Variants in ELAVL4 observed in about 807,000 individuals in gnomAD.
ELAVL4 encodes ELAV like RNA binding protein 4.
A neutral mutation model predicts 35.6 loss-of-function variants in ELAVL4; 1 was observed. The ratio of observed to expected loss-of-function variants is 0.03; its 90% CI spans 0.01 to 0.13. The LOEUF is 0.13. Among genes scored for constraint, ELAVL4 ranks in the 10% least tolerant of loss-of-function variants. The pLI, the probability that ELAVL4 is intolerant of heterozygous loss-of-function variation, is 1.00. For synonymous variants in ELAVL4, 156 were observed against 171.0 expected (o/e 0.91, Z 0.69); for missense variants, 267 against 464.9 (o/e 0.57, Z 3.91).
chr1:50,091,271 A>G (rs2148505241), intron 1 of ELAVL4, among the ~76,000 whole-genome samples: 1 of 152,328 alleles, frequency 6.6e-6, no homozygotes, highest in Non-Finnish European at 1.5e-5. Context: ...AGATACGCTT[A>G]CAGGAAACCG....
chr1:50,076,109 A>T (rs1005683904), intron 1 of ELAVL4, among the ~76,000 whole-genome samples: 3 of 152,124 alleles, frequency 2.0e-5, no homozygotes, highest in African/African-American at 7.2e-5. Context: ...GATTACAGGC[A>T]TGAGCCACCG....
intron 1 of ELAVL4, among the ~76,000 whole-genome samples, chr1:50,113,357 C>G (rs975271515): frequency 6.6e-6 from 1 of 151,916 alleles, no homozygotes; most frequent in Admixed American, 6.6e-5. Context: ...CATCTTAACA[C>G]CTTATTTTAA....
chr1:50,195,694 C>T lies in ELAVL4; in HGVS notation c.642C>T (p.Ser214=). ...PITVKFANNP[S]QKSSQALLSQ... ...CTGTGAAGTTTGCCAACAACCCCAG[C>T]CAGAAGTCCAGCCAGGCCCTGCTCT... The change falls in exon 5 of 7, where the codon AGC becomes AGT. Residue 214 remains serine, a synonymous_variant. Coordinates refer to ENST00000371824, the MANE Select transcript of ELAVL4 (RefSeq NM_001144774.3). 6.2e-7 allele frequency: 1 copy of T among 1,614,156 alleles called. No homozygotes were observed. The highest frequency in any genetic ancestry group is 8.5e-7 in the Non-Finnish European group (1 of 1,180,008).
intron 3 of ELAVL4, among the ~76,000 whole-genome samples, chr1:50,187,017 T>C (rs145239489): frequency 6.6e-6 from 1 of 152,312 alleles, no homozygotes; most frequent in East Asian, 1.9e-4. Flanking sequence ...TCCCTGCTCC[T>C]AGAGGTGGGA....
chr1:50,137,536 G>T (rs1310307909), intron 1 of ELAVL4, among the ~76,000 whole-genome samples: 2 of 147,620 alleles, frequency 1.4e-5, no homozygotes, highest in East Asian at 4.0e-4. Context: ...AGGAAGGAAG[G>T]CAGGAAGGAA....
chr1:50,081,480 G>C (rs1665003045), intron 1 of ELAVL4, among the ~76,000 whole-genome samples: 1 of 152,234 alleles, frequency 6.6e-6, no homozygotes, highest in East Asian at 1.9e-4. Context: ...GCTGACCTAT[G>C]TTAAAATGCT....
Position 50,053,773 on chromosome 1 carries a change from A to C in ELAVL4, c.18+5591A>C, listed in dbSNP as rs539660464. On this transcript the variant is annotated intron_variant, in intron 1 of 6. Coordinates refer to the ELAVL4 transcript ENST00000448907. ...CAAGAGAAAGTAGACATTAAAAATA[A>C]CCATAATCAAGAAGTGCGTCATAGA... Among the ~76,000 whole-genome samples, 15 of 152,376 alleles carry C rather than the reference A, an allele frequency of 9.8e-5. No individual in the cohort carries two copies. In the East Asian group the frequency reaches 2.9e-3, roughly 29 times the overall value.
chr1:50,136,460 A>T (rs185950545), intron 1 of ELAVL4, among the ~76,000 whole-genome samples: 1 of 152,190 alleles, frequency 6.6e-6, no homozygotes, highest in East Asian at 1.9e-4. Flanking sequence ...GGTTCAATTC[A>T]GTGACTGCCC....
At chr1:50,148,032 G>A (rs1674049022) in intron 2 of ELAVL4, among the ~76,000 whole-genome samples, 1 of 152,194 alleles carries the variant, frequency 6.6e-6, no homozygotes, top group South Asian at 2.1e-4. Flanking sequence ...GGAGTTAAGT[G>A]TTATGTGCTG....
intron 6 of ELAVL4, among the ~76,000 whole-genome samples, chr1:50,197,932 T>A (rs975585043): frequency 3.3e-5 from 5 of 152,238 alleles, no homozygotes; most frequent in African/African-American, 1.2e-4. Context: ...GTAGAAAAAT[T>A]AGATTTTGGA....
intron 2 of ELAVL4, among the ~76,000 whole-genome samples, chr1:50,147,173 A>G (rs780489119): frequency 2.6e-5 from 4 of 152,168 alleles, no homozygotes; most frequent in Non-Finnish European, 5.9e-5. Context: ...ATTTATAATT[A>G]TGCATTCTTC....
Position 50,144,981 on chromosome 1 carries a change from G to T in ELAVL4, c.34G>T (p.Val12Leu). The stretch of plus-strand genomic sequence containing the variant: ...GATAATTAGCACCATGGAGCCTCAG[G>T]TGTCAAATGGTCCGACATCCAATAC... ...VMIISTMEPQ[V>L]SNGPTSNTSN... The change falls in exon 2 of 7, where the codon GTG (valine) becomes TTG (leucine). Residue 12 changes from valine (V) to leucine (L), a missense_variant. Physicochemically the swap from Val to Leu is conservative, Grantham distance 32 (BLOSUM62 1). Around this residue, in one of 2 missense-constraint regions of ELAVL4, gnomAD observed 51 missense variants for 55.4 expected, o/e 0.92. Coordinates refer to ENST00000371824, the MANE Select transcript of ELAVL4 (RefSeq NM_001144774.3). 1.2e-6 allele frequency: 2 copies of T among 1,613,706 alleles called. No homozygotes were observed. The highest frequency in any genetic ancestry group is 1.7e-6 in the Non-Finnish European group (2 of 1,179,888).
intron 2 of ELAVL4, among the ~76,000 whole-genome samples, chr1:50,156,350 T>C (rs752200186): frequency 6.6e-6 from 1 of 152,222 alleles, no homozygotes; most frequent in Non-Finnish European, 1.5e-5. Context: ...AGGTGATACA[T>C]GCGAAGGCAC....
At chr1:50,168,141 A>G (rs1678286939) in intron 2 of ELAVL4, among the ~76,000 whole-genome samples, 1 of 152,190 alleles carries the variant, frequency 6.6e-6, no homozygotes, top group Non-Finnish European at 1.5e-5. Flanking sequence ...GTGCAGAACC[A>G]TCTTTAAACC....
chr1:50,179,940 T>C (rs554234719), intron 3 of ELAVL4: 6 of 152,256 alleles, frequency 3.9e-5, no homozygotes, highest in African/African-American at 1.2e-4. Flanking sequence ...CTGCTAACTG[T>C]TTAAACCCAG....
At chr1:50,117,037 C>T (rs776767042) in intron 1 of ELAVL4, among the ~76,000 whole-genome samples, 12 of 152,028 alleles carry the variant, frequency 7.9e-5, no homozygotes, top group African/African-American at 1.2e-4. Context: ...TAAATGTGCA[C>T]TTATTATTCA....
intron 2 of ELAVL4, among the ~76,000 whole-genome samples, chr1:50,173,060 A>G (rs1362089074): frequency 6.6e-6 from 1 of 152,134 alleles, no homozygotes; most frequent in South Asian, 2.1e-4. Flanking sequence ...CATTCTGGTT[A>G]TATGCTTTCA....
intron 3 of ELAVL4, among the ~76,000 whole-genome samples, chr1:50,189,601 CAT>C (rs1385127803): frequency 1.3e-5 from 2 of 152,128 alleles, no homozygotes; most frequent in Non-Finnish European, 2.9e-5. Flanking sequence ...TAGTGTTCCA[CAT>C]GTTTTTTTTG....
chr1:50,096,844 A>G (rs929048746), intron 1 of ELAVL4, among the ~76,000 whole-genome samples: 2 of 152,288 alleles, frequency 1.3e-5, no homozygotes, highest in East Asian at 3.9e-4. Context: ...TTTGGACTTA[A>G]TCAAGGTCCT....
Sources: allele counts gnomAD v4.1 joint callset (sites outside exome capture counted in the v4.1 genomes callset), GRCh38; gene constraint gnomAD v4.1.1; regional missense constraint gnomAD v4.1.1; transcripts MANE v1.5; gene names NCBI Gene and HGNC (gene_info 2026-07-23, HGNC 2026-07-21).